CCDC7: variants seen among roughly 807,000 people sequenced by gnomAD.
CCDC7 encodes coiled-coil domain-containing protein 7.
In CCDC7, 183 loss-of-function variants were observed where a neutral mutation model predicts 196.9. The observed-to-expected ratio is 0.93, with a 90% confidence interval of 0.82 to 1.05. CCDC7 has a LOEUF of 1.05. CCDC7 is among the 50% of genes least tolerant of loss of function. CCDC7 has a pLI of 0.00. For synonymous variants in CCDC7, 525 were observed against 484.6 expected (o/e 1.08, Z -1.10); for missense variants, 1,540 against 1,482.2 (o/e 1.04, Z -0.64).
intron 9 of CCDC7, among the ~76,000 whole-genome samples, chr10:32,506,824 G>A (rs2045254513): frequency 6.6e-6 from 1 of 151,984 alleles, no homozygotes; most frequent in Non-Finnish European, 1.5e-5. Context: ...TACAGTCCAG[G>A]CTTGGCAAGA....
chr10:32,858,580 A>C (rs1179386786), intron 41 of CCDC7, among the ~76,000 whole-genome samples: 1 of 152,172 alleles, frequency 6.6e-6, no homozygotes, highest in African/African-American at 2.4e-5. Context: ...ATGATCCCCC[A>C]TGATGGTCTC....
intron 28 of CCDC7, among the ~76,000 whole-genome samples, chr10:32,748,583 T>C (rs1278239563): frequency 6.6e-6 from 1 of 152,148 alleles, no homozygotes; most frequent in Non-Finnish European, 1.5e-5. Flanking sequence ...GGGTCTCTAA[T>C]TTTGTGGCGA....
intron 24 of CCDC7, among the ~76,000 whole-genome samples, chr10:32,699,304 T>C (rs1314988904): frequency 6.7e-6 from 1 of 149,846 alleles, no homozygotes; most frequent in Non-Finnish European, 1.5e-5. Flanking sequence ...ACATGTGGTG[T>C]TTGGTTTTTT....
intron 24 of CCDC7, among the ~76,000 whole-genome samples, chr10:32,696,520 G>T (rs748704698): frequency 4.0e-5 from 6 of 151,808 alleles, no homozygotes; most frequent in Non-Finnish European, 7.4e-5. Flanking sequence ...ATAAAAATTG[G>T]CAGGGCTCTC....
At chr10:32,465,870 G>A (rs2036662337) in intron 5 of CCDC7, among the ~76,000 whole-genome samples, 1 of 152,152 alleles carries the variant, frequency 6.6e-6, no homozygotes, top group Non-Finnish European at 1.5e-5. Flanking sequence ...CTATCTTAGT[G>A]AATGAGTACT....
At chr10:32,711,591 T>C (rs1441395525) in intron 24 of CCDC7, 29 bp from the exon 26 acceptor site, 1 of 1,351,018 alleles carries the variant, frequency 7.4e-7, no homozygotes, top group Non-Finnish European at 1.0e-6. Flanking sequence ...GTTTTTCTAG[T>C]AAGGGACTAA....
At chr10:32,832,719 T>A (rs1035238611) in intron 32 of CCDC7, among the ~76,000 whole-genome samples, 2 of 152,154 alleles carry the variant, frequency 1.3e-5, no homozygotes, top group African/African-American at 4.8e-5. Flanking sequence ...CCTCACATCA[T>A]AATTTTTTCA....
chr10:32,845,545 A>T, exon 35 of CCDC7: 2 of 1,606,450 alleles, frequency 1.2e-6, no homozygotes, highest in Non-Finnish European at 1.7e-6. Flanking sequence ...TTCTATAGAG[A>T]CTGATAAGAA....
intron 25 of CCDC7, 151 bp downstream of exon 26, chr10:32,711,881 A>G (rs2080902501): frequency 2.2e-6 from 1 of 450,596 alleles, no homozygotes. Context: ...GAAAGAAAAC[A>G]AAGATAATGA....
intron 28 of CCDC7, among the ~76,000 whole-genome samples, chr10:32,776,172 C>A (rs1475454305): frequency 6.7e-6 from 1 of 148,668 alleles, no homozygotes; most frequent in Non-Finnish European, 1.5e-5. Context: ...GGGAGATATA[C>A]CTAATGCTAG....
intron 28 of CCDC7, among the ~76,000 whole-genome samples, chr10:32,742,610 TGCTCA>T (rs1228258032): frequency 6.6e-6 from 1 of 152,222 alleles, no homozygotes; most frequent in African/African-American, 2.4e-5. Context: ...AGTCTTTGTC[TGCTCA>T]GGCTGCCATA....
intron 18 of CCDC7, among the ~76,000 whole-genome samples, chr10:32,600,262 T>C (rs2060853553): frequency 6.6e-6 from 1 of 151,862 alleles, no homozygotes; most frequent in South Asian, 2.1e-4. Flanking sequence ...TAGTTCTCCA[T>C]GTAGAGCTCT....
At chr10:32,704,557 T>C (rs1338524657) in intron 24 of CCDC7, among the ~76,000 whole-genome samples, 1 of 152,122 alleles carries the variant, frequency 6.6e-6, no homozygotes, top group Admixed American at 6.5e-5. Context: ...GACATTTAAG[T>C]CTGCAGAGGT....
intron 13 of CCDC7, among the ~76,000 whole-genome samples, chr10:32,544,842 C>T (rs150608219): frequency 7.9e-5 from 12 of 152,206 alleles, no homozygotes; most frequent in African/African-American, 2.9e-4. Flanking sequence ...GCTGTTATTA[C>T]ATTTTGGCTT....
chr10:32,455,508 G>T (rs540637809), intron 2 of CCDC7, among the ~76,000 whole-genome samples: 2 of 152,090 alleles, frequency 1.3e-5, no homozygotes, highest in African/African-American at 4.8e-5. Context: ...GTAGAGACGG[G>T]ATTTTGCCAT....
At chr10:32,651,478 G>GT (rs1292603733) in intron 20 of CCDC7, among the ~76,000 whole-genome samples, 1 of 152,184 alleles carries the variant, frequency 6.6e-6, no homozygotes, top group Non-Finnish European at 1.5e-5. Context: ...CTTGGAAAAT[G>GT]TAAGAGTTAA....
chr10:32,854,504 A>G lies in CCDC7; in HGVS notation c.4111+15A>G. Reference sequence around the variant, plus strand: ...TACCTATAAAGGTAAAAGAATCACTACAATACAGACATATGAAATAAAACT... The same window carrying G: ...TACCTATAAAGGTAAAAGAATCACTGCAATACAGACATATGAAATAAAACT... On this transcript the variant is annotated intron_variant, in intron 41 of 41. Coordinates refer to ENST00000639629, the Ensembl canonical transcript of CCDC7. The G allele has an allele frequency of 2.2e-6, 3 of 1,355,272 alleles. No individual in the cohort carries two copies. Among genetic ancestry groups the G allele is most frequent in the South Asian group, 2.4e-5 (2 of 82,606 alleles). The allele number at this position is 1,355,272 out of a possible 1,614,324, so 84.0% of individuals were successfully genotyped here. A position where few individuals can be genotyped will look rare whatever the true frequency, so the allele number is the denominator to read the frequency against.
intron 21 of CCDC7, among the ~76,000 whole-genome samples, chr10:32,676,304 G>T (rs1482750799): frequency 6.6e-6 from 1 of 151,574 alleles, no homozygotes; most frequent in Non-Finnish European, 1.5e-5. Flanking sequence ...CAGGACATAG[G>T]CATGGGCACG....
chr10:32,602,765 G>A (rs1243466884), intron 18 of CCDC7, among the ~76,000 whole-genome samples: 2 of 152,104 alleles, frequency 1.3e-5, no homozygotes, highest in African/African-American at 4.8e-5. Context: ...TAGTTAAAGT[G>A]TTCAGAACAG....
Sources: gnomAD v4.1 joint callset for allele counts (sites outside exome capture counted in the v4.1 genomes callset) on GRCh38, gnomAD v4.1.1 for gene constraint, MANE v1.5 for transcripts, NCBI Gene and HGNC (gene_info 2026-07-23, HGNC 2026-07-21) for gene names.